The following CDH12 variants were observed in gnomAD, a reference collection of about 807,000 sequenced individuals.
CDH12 encodes the protein cadherin 12, also known as cadherin-12.
CDH12 carries 41 observed loss-of-function variants against 74.1 expected under a neutral mutation model. The observed-to-expected ratio is 0.55, with a 90% CI of 0.43 to 0.72. CDH12 has a LOEUF of 0.72. Ranked by LOEUF, CDH12 falls within the 30% of genes least tolerant of loss-of-function variation. CDH12 has a pLI of 0.00. For missense variants in CDH12, 945 were observed against 977.2 expected (o/e 0.97, Z 0.44); for synonymous variants, 399 against 355.0 (o/e 1.12, Z -1.39).
intron 1 of CDH12, among the ~76,000 whole-genome samples, chr5:22,788,405 G>T (rs1459204590): frequency 6.6e-6 from 1 of 151,602 alleles, no homozygotes; most frequent in Non-Finnish European, 1.5e-5. Context: ...AGGGTAAGGG[G>T]TAAGGAGAGA....
At chr5:22,591,051 ATTGC>A (rs1211776017) in intron 1 of CDH12, among the ~76,000 whole-genome samples, 3 of 152,108 alleles carry the variant, frequency 2.0e-5, no homozygotes, top group African/African-American at 4.8e-5. Context: ...AACTTGATTT[ATTGC>A]TTTCCTTTTC....
At chr5:22,592,507 C>A (rs1428836125) in intron 1 of CDH12, among the ~76,000 whole-genome samples, 1 of 152,022 alleles carries the variant, frequency 6.6e-6, no homozygotes, top group East Asian at 1.9e-4. Context: ...ATTATGTCTC[C>A]TCTTCCTTCG....
intron 1 of CDH12, among the ~76,000 whole-genome samples, chr5:22,578,176 A>G (rs1285418618): frequency 2.0e-5 from 3 of 152,182 alleles, no homozygotes; most frequent in African/African-American, 7.2e-5. Flanking sequence ...TCTAGTAAAG[A>G]ATGATCATGC....
At chr5:22,685,880 CAT>C (rs1468085299) in intron 1 of CDH12, among the ~76,000 whole-genome samples, 1 of 152,074 alleles carries the variant, frequency 6.6e-6, no homozygotes, top group East Asian at 1.9e-4. Flanking sequence ...TTCGTATGGA[CAT>C]ATGTTTTTAT....
At chr5:22,598,291 T>C (rs1165804333) in intron 1 of CDH12, among the ~76,000 whole-genome samples, 2 of 152,202 alleles carry the variant, frequency 1.3e-5, no homozygotes, top group African/African-American at 4.8e-5. Context: ...TGAATTGTAA[T>C]AATTCCCATG....
At chr5:22,499,459 G>A (rs1455068895) in intron 2 of CDH12, among the ~76,000 whole-genome samples, 2 of 152,014 alleles carry the variant, frequency 1.3e-5, no homozygotes, top group South Asian at 2.1e-4. Flanking sequence ...TGGTTCCTGG[G>A]GAATGCAGCA....
chr5:22,265,866 G>A (rs1467851033), intron 3 of CDH12, among the ~76,000 whole-genome samples: 1 of 151,946 alleles, frequency 6.6e-6, no homozygotes, highest in Admixed American at 6.6e-5. Flanking sequence ...TTCAAACACA[G>A]ATGATTGGTA....
At chr5:22,560,039 A>G (rs1233891348) in intron 1 of CDH12, among the ~76,000 whole-genome samples, 1 of 152,124 alleles carries the variant, frequency 6.6e-6, no homozygotes, top group East Asian at 1.9e-4. Context: ...TTGTGCATCA[A>G]CTTTTTATTA....
chr5:21,998,801 G>T (rs567729123), intron 5 of CDH12, among the ~76,000 whole-genome samples: 2 of 152,062 alleles, frequency 1.3e-5, no homozygotes, highest in Non-Finnish European at 2.9e-5. Context: ...ACCCTTCATT[G>T]CATGATAGAC....
At chr5:22,139,344 G>C (rs1746659304) in intron 4 of CDH12, 1 of 139,872 alleles carries the variant, frequency 7.1e-6, no homozygotes, top group Admixed American at 7.4e-5. Flanking sequence ...AATTGCAGGA[G>C]GTTTGCAGGA....
chr5:21,814,380 G>T (rs1330554984), intron 9 of CDH12, among the ~76,000 whole-genome samples: 2 of 151,906 alleles, frequency 1.3e-5, no homozygotes, highest in Non-Finnish European at 2.9e-5. Flanking sequence ...AGGCAGATAT[G>T]TTCTTATTGC....
intron 1 of CDH12, among the ~76,000 whole-genome samples, chr5:22,845,832 G>C (rs1737277020): frequency 6.6e-6 from 1 of 152,292 alleles, no homozygotes; most frequent in South Asian, 2.1e-4. Context: ...CTATATCGGA[G>C]AGTGTACATC....
At chr5:22,666,384 G>A (rs1382037877) in intron 1 of CDH12, among the ~76,000 whole-genome samples, 3 of 150,316 alleles carry the variant, frequency 2.0e-5, no homozygotes, top group Admixed American at 6.7e-5. Context: ...CCGCCTCCCG[G>A]GTTCACGCCA....
intron 1 of CDH12, among the ~76,000 whole-genome samples, chr5:22,751,203 G>A (rs890715606): frequency 5.9e-5 from 9 of 151,504 alleles, no homozygotes; most frequent in Admixed American, 5.3e-4. Context: ...GGCAAGATAG[G>A]AGGAAATGTA....
At chr5:22,535,375 C>G (rs1425141165) in intron 1 of CDH12, among the ~76,000 whole-genome samples, 1 of 151,938 alleles carries the variant, frequency 6.6e-6, no homozygotes, top group East Asian at 1.9e-4. Flanking sequence ...CCAGGATGGT[C>G]TCGATCTCCT....
intron 2 of CDH12, among the ~76,000 whole-genome samples, chr5:22,464,461 C>T (rs1293877165): frequency 6.6e-6 from 1 of 152,136 alleles, no homozygotes; most frequent in Non-Finnish European, 1.5e-5. Context: ...GCTGTTTAAG[C>T]TACTCCCCCT....
chr5:21,833,303 A>G (rs1749292356), intron 8 of CDH12, among the ~76,000 whole-genome samples: 1 of 39,530 alleles, frequency 2.5e-5, no homozygotes, highest in South Asian at 8.1e-4. Flanking sequence ...AATATATATT[A>G]TATGTTATAT....
At chr5:22,753,426 G>A (rs989245415) in intron 1 of CDH12, among the ~76,000 whole-genome samples, 38 of 148,570 alleles carry the variant, frequency 2.6e-4, no homozygotes, top group African/African-American at 9.0e-4. Flanking sequence ...GACAGAGCGA[G>A]ACTGTGTCAG....
At chr5:22,510,245 T>C (rs531126429) in intron 1 of CDH12, among the ~76,000 whole-genome samples, 1,601 of 152,300 alleles carry the variant, frequency 0.011, 14 homozygotes, top group South Asian at 0.023. Context: ...TATATTACTC[T>C]AGAGGTGGTC....
Sources: allele counts gnomAD v4.1 joint callset (sites outside exome capture counted in the v4.1 genomes callset), GRCh38; gene constraint gnomAD v4.1.1; transcripts MANE v1.5; gene names NCBI Gene and HGNC (gene_info 2026-07-23, HGNC 2026-07-21).